The following IPPK variants were observed in gnomAD, a reference collection of about 807,000 sequenced individuals.
The protein encoded by IPPK is inositol-pentakisphosphate 2-kinase.
In IPPK, 22 loss-of-function variants were observed where a neutral mutation model predicts 64.6. The observed-to-expected ratio is 0.34, with a 90% confidence interval of 0.24 to 0.49. The LOEUF (loss-of-function observed/expected upper bound fraction) is 0.49. Among genes scored for constraint, IPPK ranks in the 20% least tolerant of loss-of-function variants. IPPK has a pLI of 0.99. For missense variants in IPPK, 532 were observed against 630.7 expected (o/e 0.84, Z 1.68); for synonymous variants, 262 against 247.2 (o/e 1.06, Z -0.56).
intron 6 of IPPK, among the ~76,000 whole-genome samples, chr9:92,646,526 A>C (rs1852153016): frequency 6.6e-6 from 1 of 152,262 alleles, no homozygotes; most frequent in South Asian, 2.1e-4. Flanking sequence ...GTCAAAGAAG[A>C]AAGCAAAAGA....
At position 92,662,296 on chromosome 9, in the gene IPPK, C is replaced by T. The variant is rs371793179; in HGVS notation, c.82-3615G>A. Among the ~76,000 whole-genome samples, 15 of 152,248 alleles carry T rather than the reference C, an allele frequency of 9.9e-5. No individual in the cohort carries two copies. The South Asian group carries it at 1.7e-3, about 17-fold the overall frequency. ...ATCCCAGCACTTTGGGAGGCCCAGGCGCGCAGATCAGCTGAGGTCGGGAGT... is the reference window on the plus strand; with the variant it reads ...ATCCCAGCACTTTGGGAGGCCCAGGTGCGCAGATCAGCTGAGGTCGGGAGT... On this transcript the variant is annotated intron_variant, in intron 1 of 12. Coordinates refer to ENST00000287996, the MANE Select transcript of IPPK (RefSeq NM_022755.6).
At chr9:92,663,230 A>G (rs771757081) in intron 1 of IPPK, among the ~76,000 whole-genome samples, 3 of 152,230 alleles carry the variant, frequency 2.0e-5, no homozygotes, top group Non-Finnish European at 4.4e-5. Flanking sequence ...TAGGATTATA[A>G]TACCACAGTT....
intron 9 of IPPK, among the ~76,000 whole-genome samples, chr9:92,636,484 T>A (rs1266316127): frequency 1.3e-5 from 2 of 149,812 alleles, no homozygotes; most frequent in East Asian, 2.0e-4. Flanking sequence ...AAAAAAAAAA[T>A]ACAAAAATTA....
chr9:92,646,989 T>C (rs376875470), intron 6 of IPPK, among the ~76,000 whole-genome samples: 32 of 151,822 alleles, frequency 2.1e-4, no homozygotes, highest in African/African-American at 6.8e-4. Context: ...ACAAATGAAA[T>C]AGAAAATGGG....
At chr9:92,657,080 T>A (rs911345419) in intron 2 of IPPK, among the ~76,000 whole-genome samples, 2 of 152,180 alleles carry the variant, frequency 1.3e-5, no homozygotes, top group Non-Finnish European at 2.9e-5. Context: ...CCAGGAGCAG[T>A]GGCTCATGCC....
chr9:92,618,878 G>C (rs1338574611), intron 12 of IPPK: 1 of 341,784 alleles, frequency 2.9e-6, no homozygotes, highest in East Asian at 7.6e-5. Context: ...CAAATACTGG[G>C]TGCAGGGTTT....
At chr9:92,647,614 A>G (rs898868937) in intron 6 of IPPK, among the ~76,000 whole-genome samples, 1 of 152,120 alleles carries the variant, frequency 6.6e-6, no homozygotes, top group Admixed American at 6.5e-5. Context: ...CATGTAATAT[A>G]CCATATTCAT....
chr9:92,635,128 C>A lies in IPPK; in HGVS notation c.1067+30G>T. The A allele has an allele frequency of 6.3e-7, 1 of 1,594,380 alleles. No individual in the cohort carries two copies. Among genetic ancestry groups the A allele is most frequent in the South Asian group, 1.1e-5 (1 of 89,048 alleles). On this transcript the variant is annotated intron_variant, in intron 10 of 12. Coordinates refer to ENST00000287996, the MANE Select transcript of IPPK (RefSeq NM_022755.6). The surrounding 1 kb of genome is among the most constrained non-coding windows in gnomAD (Gnocchi z 4.4). The stretch of plus-strand genomic sequence containing the variant: ...CCACTCCCACAGTCTCCTCTCAGGG[C>A]TGCCCAACAGGGGGACCGCCCGACC...
At chr9:92,668,408 C>T (rs963308695) in intron 1 of IPPK, among the ~76,000 whole-genome samples, 8 of 152,166 alleles carry the variant, frequency 5.3e-5, no homozygotes, top group African/African-American at 1.9e-4. Context: ...GATCCAAGTG[C>T]CAGAGGCAAC....
chr9:92,670,104 G>T lies in IPPK; in HGVS notation c.-116C>A. 1 of 636,848 alleles carries T rather than the reference G, an allele frequency of 1.6e-6. No individual in the cohort carries two copies. The highest frequency in any genetic ancestry group is 2.3e-5 in the South Asian group (1 of 44,048). The allele number at this position is 636,848 out of a possible 1,614,324, so 39.4% of individuals were successfully genotyped here. Reference sequence around the variant, plus strand: ...GGGGGAGGAGCGCCTGTCAGCTGCCGCCCCCGCTCGACCCCGCCGCGGCGA... The same window carrying T: ...GGGGGAGGAGCGCCTGTCAGCTGCCTCCCCCGCTCGACCCCGCCGCGGCGA... On this transcript the variant is annotated 5_prime_UTR_variant, in exon 1 of 13. Coordinates refer to ENST00000287996, the MANE Select transcript of IPPK (RefSeq NM_022755.6).
chr9:92,660,665 C>A (rs143914513), intron 1 of IPPK, among the ~76,000 whole-genome samples: 59 of 152,318 alleles, frequency 3.9e-4, no homozygotes, highest in African/African-American at 1.1e-3. Flanking sequence ...GAAATACCAA[C>A]TACAAGAACA....
intron 8 of IPPK, among the ~76,000 whole-genome samples, chr9:92,638,998 C>T (rs1851997303): frequency 6.6e-6 from 1 of 152,188 alleles, no homozygotes; most frequent in African/African-American, 2.4e-5. Context: ...TGACAGCGGC[C>T]AACCCCAGGA....
intron 6 of IPPK, among the ~76,000 whole-genome samples, chr9:92,647,624 TAGAAAG>T (rs1852173802): frequency 6.6e-6 from 1 of 151,940 alleles, no homozygotes; most frequent in Non-Finnish European, 1.5e-5. Flanking sequence ...ACCATATTCA[TAGAAAG>T]AGGAAGACAC....
At chr9:92,640,196 G>A (rs372672491) in intron 8 of IPPK, among the ~76,000 whole-genome samples, 3 of 152,112 alleles carry the variant, frequency 2.0e-5, no homozygotes, top group African/African-American at 7.2e-5. Flanking sequence ...TGTCTAACAG[G>A]GACCCGGCAC....
chr9:92,618,904 C>T (rs1349077666), intron 12 of IPPK: 6 of 309,272 alleles, frequency 1.9e-5, no homozygotes, highest in East Asian at 1.7e-4. Flanking sequence ...CCCTGAAGAT[C>T]GGTGATGGAG....
At chr9:92,653,360 C>G (rs1045040527) in intron 3 of IPPK, among the ~76,000 whole-genome samples, 5 of 152,170 alleles carry the variant, frequency 3.3e-5, no homozygotes, top group Non-Finnish European at 5.9e-5. Flanking sequence ...ATCATGCCTT[C>G]CCCACCCTGC....
intron 6 of IPPK, among the ~76,000 whole-genome samples, chr9:92,645,852 G>A (rs1378616493): frequency 2.0e-5 from 3 of 151,728 alleles, no homozygotes; most frequent in African/African-American, 7.3e-5. Context: ...TACCCTACAA[G>A]AATTACTAAA....
chr9:92,642,990 A>G (rs1852082000), intron 6 of IPPK, among the ~76,000 whole-genome samples, 180 bp from the exon 7 acceptor site: 1 of 152,258 alleles, frequency 6.6e-6, no homozygotes, highest in African/African-American at 2.4e-5. Context: ...GAGCCACTTG[A>G]CTTCCATTCA....
intron 11 of IPPK, among the ~76,000 whole-genome samples, chr9:92,626,893 G>C (rs1851744452): frequency 6.7e-6 from 1 of 149,888 alleles, no homozygotes; most frequent in African/African-American, 2.4e-5. Flanking sequence ...ACCAGATGTT[G>C]TATGAAATGT....
Sources: gnomAD v4.1 joint callset for allele counts (sites outside exome capture counted in the v4.1 genomes callset) on GRCh38, gnomAD v4.1.1 for gene constraint, Gnocchi (gnomAD v3.1) non-coding constraint, MANE v1.5 for transcripts, NCBI Gene and HGNC (gene_info 2026-07-23, HGNC 2026-07-21) for gene names.